RAD52: variants seen among roughly 807,000 people sequenced by gnomAD.
RAD52 encodes the protein DNA repair protein RAD52 homolog.
In RAD52, 47 loss-of-function variants were observed where a neutral mutation model predicts 55.5. The ratio of observed to expected loss-of-function variants is 0.85; its 90% CI spans 0.67 to 1.08. RAD52 has a LOEUF of 1.08. Among genes scored for constraint, RAD52 ranks in the 50% least tolerant of loss-of-function variants. RAD52 has a pLI of 0.00. For synonymous variants in RAD52, 184 were observed against 198.9 expected, an observed-to-expected ratio of 0.92 and a Z score of 0.63; for missense variants, 468 against 522.8, an observed-to-expected ratio of 0.90 and a Z score of 1.02.
In RAD52 at chr12:912,273, C is replaced by G. The variant is rs1956131169; in HGVS notation, c.*1118G>C. The G allele has an allele frequency of 2.0e-5, 4 of 198,036 alleles. No individual in the cohort carries two copies. The East Asian group carries it at 3.1e-4, about 15-fold the overall frequency. The allele number at this position is 198,036 out of a possible 1,614,324, so 12.3% of individuals were successfully genotyped here. The stretch of plus-strand genomic sequence containing the variant: ...ACCTCGTGTGACAAGTCGCAAAGCA[C>G]CAGGCATACAACAGTTTATGCAGCG... On this transcript the variant is annotated 3_prime_UTR_variant, in exon 12 of 12. Coordinates refer to ENST00000358495, the MANE Select transcript of RAD52 (RefSeq NM_134424.4).
chr12:914,960 C>T (rs535357784), intron 9 of RAD52, among the ~76,000 whole-genome samples: 7 of 152,094 alleles, frequency 4.6e-5, no homozygotes, highest in African/African-American at 2.4e-5. Context: ...GAATTCGAGA[C>T]GCCACCTCTA....
At chr12:957,614 C>T (rs1958626140) in intron 1 of RAD52, among the ~76,000 whole-genome samples, 1 of 151,822 alleles carries the variant, frequency 6.6e-6, no homozygotes, top group Non-Finnish European at 1.5e-5. Context: ...AGTGAGAACC[C>T]ATCTCTGCTA....
At chr12:919,847 G>A (rs180695177) in intron 7 of RAD52, among the ~76,000 whole-genome samples, 1,252 of 116,998 alleles carry the variant, frequency 0.011, 337 homozygotes, top group African/African-American at 0.042. Context: ...GAGGTTAAGA[G>A]TCCAAGATCA....
intron 6 of RAD52, among the ~76,000 whole-genome samples, chr12:925,906 C>T (rs935918401): frequency 5.3e-5 from 8 of 152,046 alleles, no homozygotes; most frequent in Admixed American, 3.9e-4. Flanking sequence ...ACTTGGGGAC[C>T]GGGGGCTCAA....
At chr12:966,037 C>T (rs1958762436) in intron 1 of RAD52, among the ~76,000 whole-genome samples, 2 of 152,046 alleles carry the variant, frequency 1.3e-5, no homozygotes, top group Admixed American at 1.3e-4. Context: ...AGTGCAGTGG[C>T]ACGATCATGG....
intron 1 of RAD52, among the ~76,000 whole-genome samples, chr12:989,466 C>G (rs1041818471): frequency 1.3e-5 from 2 of 152,008 alleles, no homozygotes; most frequent in South Asian, 2.1e-4. Flanking sequence ...TACATGTGCT[C>G]GGTTAGCTAG....
At chr12:957,747 G>A (rs1427874390) in intron 1 of RAD52, among the ~76,000 whole-genome samples, 1 of 152,126 alleles carries the variant, frequency 6.6e-6, no homozygotes, top group Non-Finnish European at 1.5e-5. Flanking sequence ...TGGAGATCGC[G>A]CCACTGCACT....
intron 6 of RAD52, 95 bp downstream of exon 6, chr12:927,050 C>T: frequency 3.3e-6 from 5 of 1,513,330 alleles, no homozygotes; most frequent in Non-Finnish European, 4.5e-6. Context: ...GATTTTTGAA[C>T]CATGTGGATG....
At chr12:926,208 G>A (rs955738216) in intron 6 of RAD52, among the ~76,000 whole-genome samples, 4 of 152,066 alleles carry the variant, frequency 2.6e-5, no homozygotes, top group African/African-American at 7.2e-5. Context: ...TTTTGAGTGT[G>A]GGGGCTGGGC....
chr12:954,072 A>C (rs943945050), upstream of RAD52, among the ~76,000 whole-genome samples: 2 of 152,174 alleles, frequency 1.3e-5, no homozygotes, highest in African/African-American at 4.8e-5. Flanking sequence ...TTTTAAAAAA[A>C]TTATATTTCT....
intron 1 of RAD52, among the ~76,000 whole-genome samples, chr12:981,859 T>C (rs779492139): frequency 6.6e-6 from 1 of 152,156 alleles, no homozygotes; most frequent in Non-Finnish European, 1.5e-5. Context: ...ATAATTGTCT[T>C]TGGCTTGACG....
At chr12:933,132 A>C in intron 1 of RAD52, 56 bp from the exon 2 acceptor site, 1 of 1,260,890 alleles carries the variant, frequency 7.9e-7, no homozygotes, top group Non-Finnish European at 1.1e-6. Context: ...TTTAAAGTAA[A>C]AGGCAAGAGC....
rs774272725 is a variant in RAD52 at position 913,935 on chromosome 12, G to C, written c.1154C>G (p.Ser385Cys). ...AGCGCTATAAGTTTGGAGGTCCCAAGATCCAGATTTTGCTTGTGGTTTCTG... is the reference window on the plus strand; with the variant it reads ...AGCGCTATAAGTTTGGAGGTCCCAACATCCAGATTTTGCTTGTGGTTTCTG... ...CHQKPQAKSG[S>C]WDLQTYSADQ... Residue 385 changes from serine (S) to cysteine (C), a missense_variant, in exon 11 of 12, where the codon TCT (serine) becomes TGT (cysteine). Ser to Cys is a moderately radical substitution (Grantham distance 112, BLOSUM62 -1). Transcript: ENST00000358495. 6.2e-7 allele frequency: 1 copy of C among 1,614,210 alleles called. No individual in the cohort carries two copies. Among genetic ancestry groups the C allele is most frequent in the Non-Finnish European group, 8.5e-7 (1 of 1,180,030 alleles).
intron 1 of RAD52, among the ~76,000 whole-genome samples, chr12:973,100 C>G (rs184228191): frequency 1.3e-5 from 2 of 152,166 alleles, no homozygotes; most frequent in Non-Finnish European, 2.9e-5. Flanking sequence ...GACGGAGTCT[C>G]GCTCTGTCGC....
At position 913,236 on chromosome 12, in the gene RAD52, G is replaced by A. The variant is rs1592300612; in HGVS notation, c.*155C>T. On this transcript the variant is annotated 3_prime_UTR_variant, in exon 12 of 12. Coordinates refer to ENST00000358495, the MANE Select transcript of RAD52 (RefSeq NM_134424.4). ...AAAGTGCTCAGCTCTAACTGCAGTG[G>A]GCTCTCAGTCAGATCCTCTTGATAA... is the stretch of plus-strand genomic sequence containing the variant. 1 of 680,310 alleles carries A rather than the reference G, an allele frequency of 1.5e-6. No homozygotes were observed. The highest frequency in any genetic ancestry group is 2.6e-5 in the East Asian group (1 of 39,020). The allele number at this position is 680,310 out of a possible 1,614,324, so 42.1% of individuals were successfully genotyped here.
chr12:928,873 CA>C (rs1312684809), intron 5 of RAD52, among the ~76,000 whole-genome samples: 2 of 152,086 alleles, frequency 1.3e-5, no homozygotes, highest in East Asian at 3.8e-4. Flanking sequence ...CAGAGAAGCA[CA>C]GTAAGGCTAC....
In RAD52 at chr12:933,001, C is replaced by A; in HGVS notation, c.58G>T (p.Gly20Cys). ...GGRDSHPAAG[G>C]GSVLCFGQCQ... ...TGTCCAAAGCATAACACTGAGCCGC[C>A]GCCAGCAGCAGGATGGCTGTCACGT... is the stretch of plus-strand genomic sequence containing the variant. Residue 20 changes from glycine (G) to cysteine (C), a missense_variant, in exon 2 of 12, where the codon GGC becomes TGC. Coordinates refer to ENST00000358495, the MANE Select transcript of RAD52 (RefSeq NM_134424.4). 1 of 1,614,054 alleles carries A rather than the reference C, an allele frequency of 6.2e-7. No homozygotes were observed.
At chr12:988,061 C>A (rs1255374591) in intron 1 of RAD52, among the ~76,000 whole-genome samples, 1 of 152,184 alleles carries the variant, frequency 6.6e-6, no homozygotes, top group Non-Finnish European at 1.5e-5. Flanking sequence ...CTCCGTTGAC[C>A]TCCCAGGATG....
chr12:939,214 G>C (rs146277376), intron 1 of RAD52, among the ~76,000 whole-genome samples: 1 of 152,044 alleles, frequency 6.6e-6, no homozygotes, highest in Non-Finnish European at 1.5e-5. Flanking sequence ...GTGCAGTGAG[G>C]CGATCATGGC....
Sources: allele counts gnomAD v4.1 joint callset (sites outside exome capture counted in the v4.1 genomes callset), GRCh38; gene constraint gnomAD v4.1.1; transcripts MANE v1.5; gene names NCBI Gene and HGNC (gene_info 2026-07-23, HGNC 2026-07-21).